FAM120B: variants seen among roughly 807,000 people sequenced by gnomAD.
FAM120B encodes constitutive coactivator of peroxisome proliferator-activated receptor gamma.
Under a neutral mutation model 96.3 loss-of-function variants are expected in FAM120B, and 83 were observed. The ratio of observed to expected loss-of-function variants is 0.86; its 90% CI spans 0.72 to 1.03. The LOEUF is 1.03. FAM120B is among the 50% of genes least tolerant of loss of function. FAM120B has a pLI of 0.00. For missense variants in FAM120B, 1,027 were observed against 1,121.2 expected (o/e 0.92, Z 1.20); for synonymous variants, 407 against 402.7 (o/e 1.01, Z -0.13).
At chr6:170,345,552 G>A (rs1199015741) in intron 4 of FAM120B, among the ~76,000 whole-genome samples, 1 of 152,216 alleles carries the variant, frequency 6.6e-6, no homozygotes, top group Non-Finnish European at 1.5e-5. Flanking sequence ...TTCATGTGGG[G>A]CCACTCAGGT....
chr6:170,396,473 G>T (rs1778171868), intron 9 of FAM120B, among the ~76,000 whole-genome samples: 1 of 152,172 alleles, frequency 6.6e-6, no homozygotes, highest in Non-Finnish European at 1.5e-5. Context: ...GCCCATCCTT[G>T]AGAGAGAGCT....
chr6:170,354,341 C>A (rs1787761702), intron 5 of FAM120B, among the ~76,000 whole-genome samples: 1 of 152,084 alleles, frequency 6.6e-6, no homozygotes, highest in Non-Finnish European at 1.5e-5. Flanking sequence ...TAGGCAATAC[C>A]ATTCAGAACA....
chr6:170,313,463 C>T (rs930966654), intron 1 of FAM120B, among the ~76,000 whole-genome samples: 1 of 152,182 alleles, frequency 6.6e-6, no homozygotes, highest in African/African-American at 2.4e-5. Context: ...AAAAGGAAGA[C>T]TTTGTGTTTT....
intron 6 of FAM120B, among the ~76,000 whole-genome samples, chr6:170,383,876 G>A (rs946504528): frequency 1.3e-5 from 2 of 152,216 alleles, no homozygotes; most frequent in African/African-American, 4.8e-5. Flanking sequence ...CAACCCAGAT[G>A]TCTTTAAATG....
intron 5 of FAM120B, among the ~76,000 whole-genome samples, chr6:170,350,688 A>G (rs556789045): frequency 6.6e-6 from 1 of 152,244 alleles, no homozygotes; most frequent in Non-Finnish European, 1.5e-5. Flanking sequence ...AGCAAATGGC[A>G]ACAGCCCTAC....
At chr6:170,352,809 A>C (rs114875610) in intron 5 of FAM120B, among the ~76,000 whole-genome samples, 1 of 152,176 alleles carries the variant, frequency 6.6e-6, no homozygotes, top group South Asian at 2.1e-4. Context: ...ACAACCTGAC[A>C]TCTCTACTAA....
chr6:170,319,819 A>G (rs1203599054), intron 2 of FAM120B, among the ~76,000 whole-genome samples: 2 of 152,258 alleles, frequency 1.3e-5, no homozygotes, highest in African/African-American at 4.8e-5. Flanking sequence ...GCGGGGGCGC[A>G]GGGAGAAAGT....
intron 6 of FAM120B, among the ~76,000 whole-genome samples, chr6:170,377,716 G>A (rs866150062): frequency 7.8e-6 from 1 of 127,490 alleles, no homozygotes; most frequent in Non-Finnish European, 1.8e-5. Context: ...GTGCACACGC[G>A]TCCCTAATCC....
intron 3 of FAM120B, among the ~76,000 whole-genome samples, chr6:170,323,788 A>G (rs1347898485): frequency 6.6e-6 from 1 of 152,208 alleles, no homozygotes; most frequent in Non-Finnish European, 1.5e-5. Context: ...AGAGCGGACC[A>G]TCAAGGACCC....
intron 6 of FAM120B, among the ~76,000 whole-genome samples, chr6:170,378,692 C>T (rs954315625): frequency 2.6e-5 from 4 of 152,158 alleles, no homozygotes; most frequent in East Asian, 1.9e-4. Flanking sequence ...GTGGCGTAGA[C>T]GGGCCTGCAA....
In FAM120B at chr6:170,395,553, G is replaced by A. The variant is rs1393144447; in HGVS notation, c.2666G>A (p.Gly889Glu). Residue 889 changes from glycine to glutamate, a missense_variant, in exon 9 of 11, where the codon GGA becomes GAA. Physicochemically the swap from Gly to Glu is moderately conservative, Grantham distance 98. Transcript: ENST00000476287. The stretch of plus-strand genomic sequence containing the variant: ...TCTGGGTATAGCCGTTCCAGTCAGG[G>A]ACAGCCGTGGAGAGACCAGGGACCA... ...TGSGYSRSSQGQPWRDQGPGS... is the reference protein window; with the variant it reads ...TGSGYSRSSQEQPWRDQGPGS... 3.1e-6 allele frequency: 5 copies of A among 1,596,732 alleles called. No individual in the cohort carries two copies. The highest frequency in any genetic ancestry group is 4.3e-6 in the Non-Finnish European group (5 of 1,171,752).
chr6:170,391,833 G>A (rs1790495696), intron 8 of FAM120B, among the ~76,000 whole-genome samples: 1 of 152,204 alleles, frequency 6.6e-6, no homozygotes, highest in Non-Finnish European at 1.5e-5. Context: ...AAGACAACGA[G>A]CTTCTGCCAA....
chr6:170,399,226 G>C (rs1171005491), intron 9 of FAM120B, among the ~76,000 whole-genome samples: 1 of 146,970 alleles, frequency 6.8e-6, no homozygotes, highest in African/African-American at 2.6e-5. Flanking sequence ...GTAGAACTAT[G>C]TCATAACTCT....
At chr6:170,297,386 C>T (rs1213274369) in intron 1 of FAM120B, among the ~76,000 whole-genome samples, 1 of 152,224 alleles carries the variant, frequency 6.6e-6, no homozygotes, top group African/African-American at 2.4e-5. Context: ...TGACCGGCTG[C>T]GTGCGTTCCA....
At position 170,338,247 on chromosome 6, in the gene FAM120B, T is replaced by C. The variant is rs376174055; in HGVS notation, c.2017+7697T>C. Among the ~76,000 whole-genome samples, 5 of 152,326 alleles carry C rather than the reference T, an allele frequency of 3.3e-5. No individual in the cohort carries two copies. In the East Asian group the frequency reaches 5.8e-4, roughly 18 times the overall value. On this transcript the variant is annotated intron_variant, in intron 4 of 10. Transcript: ENST00000476287. ...TACGTTGTCTCTTTGTTCTCATTGG[T>C]TTCAAATAACTTCTTCATTTCTGCC...
At chr6:170,326,703 A>G (rs183204766) in intron 3 of FAM120B, among the ~76,000 whole-genome samples, 83 of 152,218 alleles carry the variant, frequency 5.5e-4, no homozygotes, top group Non-Finnish European at 8.7e-4. Context: ...CCTTTATTCA[A>G]TTTTCCCATG....
In FAM120B at chr6:170,317,729, C is replaced by T. The variant is rs775905378; in HGVS notation, c.339C>T (p.Ser113=). 4 of 1,614,086 alleles carry T rather than the reference C, an allele frequency of 2.5e-6. No homozygotes were observed. The highest frequency in any genetic ancestry group is 1.6e-4 in the Middle Eastern group (1 of 6,062). ...GGCTCAAGAACAACAGGGAGATATCCAGGATTTTTCATTACATCAAGTCAC... is the reference window on the plus strand; with the variant it reads ...GGCTCAAGAACAACAGGGAGATATCTAGGATTTTTCATTACATCAAGTCAC... ...KRRLKNNREI[S]RIFHYIKSHK... The change falls in exon 2 of 11, where the codon TCC becomes TCT. Residue 113 remains serine, a synonymous_variant. Transcript: ENST00000476287.
intron 6 of FAM120B, among the ~76,000 whole-genome samples, chr6:170,379,752 G>A (rs1035202482): frequency 2.0e-5 from 3 of 152,204 alleles, no homozygotes; most frequent in African/African-American, 7.2e-5. Context: ...CTAAGAAAGT[G>A]TTCGTAGGCT....
chr6:170,294,513 A>T (rs576841851), upstream of FAM120B, among the ~76,000 whole-genome samples: 6 of 152,290 alleles, frequency 3.9e-5, no homozygotes, highest in African/African-American at 1.4e-4. The surrounding 1 kb of genome is among the most constrained non-coding windows in gnomAD (Gnocchi z 7.9). Context: ...TGTTTGCTGG[A>T]GACACTGAGT....
Sources: allele counts gnomAD v4.1 joint callset (sites outside exome capture counted in the v4.1 genomes callset), GRCh38; gene constraint gnomAD v4.1.1; non-coding constraint Gnocchi (gnomAD v3.1); transcripts MANE v1.5; gene names NCBI Gene and HGNC (gene_info 2026-07-23, HGNC 2026-07-21).